RARB: variants seen among roughly 807,000 people sequenced by gnomAD.
The protein encoded by RARB is retinoic acid receptor beta.
A neutral mutation model predicts 51.9 loss-of-function variants in RARB; 17 were observed. The observed-to-expected ratio is 0.33, with a 90% CI of 0.22 to 0.49. The LOEUF (loss-of-function observed/expected upper bound fraction) is 0.49. Ranked by LOEUF, RARB falls within the 20% of genes least tolerant of loss-of-function variation. RARB has a pLI of 0.99. For synonymous variants in RARB, 215 were observed against 195.4 expected, an observed-to-expected ratio of 1.10 and a Z score of -0.84; for missense variants, 369 against 550.8, an observed-to-expected ratio of 0.67 and a Z score of 3.30.
At chr3:24,976,567 T>C (rs1004656656) in intron 2 of RARB, among the ~76,000 whole-genome samples, 8 of 152,246 alleles carry the variant, frequency 5.3e-5, no homozygotes, top group African/African-American at 1.9e-4. Context: ...ATATATGTCT[T>C]CTTTTGAGAA....
chr3:25,197,037 A>T (rs892953468), intron 5 of RARB, among the ~76,000 whole-genome samples: 2 of 151,994 alleles, frequency 1.3e-5, no homozygotes, highest in Non-Finnish European at 2.9e-5. Flanking sequence ...CTCTCATGGT[A>T]GTTTCTTTTG....
intron 5 of RARB, among the ~76,000 whole-genome samples, chr3:25,206,860 G>C (rs1036054118): frequency 1.5e-4 from 23 of 152,100 alleles, no homozygotes; most frequent in African/African-American, 5.1e-4. Context: ...ATGACTACCT[G>C]AGTGCTAGAA....
intron 2 of RARB, among the ~76,000 whole-genome samples, chr3:24,906,591 C>T (rs1263525458): frequency 6.6e-6 from 1 of 151,998 alleles, no homozygotes; most frequent in African/African-American, 2.4e-5. Context: ...GCCTGTAATC[C>T]CAGCACTTTG....
At chr3:25,428,174 C>T, upstream of RARB, 2 of 1,141,414 alleles carry the variant, frequency 1.8e-6, no homozygotes, top group South Asian at 4.6e-5. Context: ...TGATGTCAGA[C>T]TAGTTGGGTC....
intron 2 of RARB, among the ~76,000 whole-genome samples, chr3:24,879,848 G>A (rs542807675): frequency 6.6e-6 from 1 of 151,142 alleles, no homozygotes; most frequent in East Asian, 1.9e-4. Context: ...GATCTCAGAT[G>A]GGTTTTTAGT....
chr3:25,223,368 G>C (rs545637953), intron 5 of RARB, among the ~76,000 whole-genome samples: 34 of 152,280 alleles, frequency 2.2e-4, no homozygotes, highest in African/African-American at 7.7e-4. Context: ...TGAGGAAAAG[G>C]CTTAATGAAT....
chr3:25,484,357 C>G (rs1162418387), intron 2 of RARB, among the ~76,000 whole-genome samples: 1 of 152,056 alleles, frequency 6.6e-6, no homozygotes, highest in Non-Finnish European at 1.5e-5. Flanking sequence ...TCAATAGTTT[C>G]TGAGACCGTG....
At chr3:24,867,322 A>C (rs116268817) in intron 2 of RARB, among the ~76,000 whole-genome samples, 3,559 of 152,218 alleles carry the variant, frequency 0.023, 80 homozygotes, top group Middle Eastern at 0.051. Context: ...GGAATAAATA[A>C]GGGCAGTTTG....
intron 2 of RARB, among the ~76,000 whole-genome samples, chr3:25,005,673 A>AT (rs1697255834): frequency 6.6e-6 from 1 of 152,122 alleles, no homozygotes; most frequent in Non-Finnish European, 1.5e-5. Flanking sequence ...GATCAGCCCA[A>AT]TTTAGTGTGG....
chr3:24,926,547 TTATGC>T (rs1695325727), intron 2 of RARB, among the ~76,000 whole-genome samples: 2 of 152,152 alleles, frequency 1.3e-5, no homozygotes, highest in South Asian at 4.1e-4. Context: ...ACTTGATGAC[TTATGC>T]TATAGCTGTT....
rs140013220 is a variant in RARB, at chr3:25,281,106, T to G, written c.178+106531T>G. ...AATGAATCCTCACTACAGAATGCTC[T>G]TAAAGAGATTATAAATCCACTCTCT... On this transcript the variant is annotated intron_variant, in intron 5 of 11. Coordinates refer to the RARB transcript ENST00000383772. Among the ~76,000 whole-genome samples, 287 of 152,350 alleles carry G rather than the reference T, an allele frequency of 1.9e-3. 1 individual carries two copies. The highest frequency in any genetic ancestry group is 6.7e-3 in the African/African-American group (279 of 41,586).
intron 5 of RARB, among the ~76,000 whole-genome samples, chr3:25,206,278 A>C (rs1294472505): frequency 2.0e-5 from 3 of 152,206 alleles, no homozygotes; most frequent in Non-Finnish European, 2.9e-5. Flanking sequence ...TAGTGTTCTT[A>C]CATAAATTTG....
chr3:25,450,814 G>A (rs534227176), intron 1 of RARB, among the ~76,000 whole-genome samples: 3 of 152,094 alleles, frequency 2.0e-5, no homozygotes, highest in Non-Finnish European at 4.4e-5. Context: ...GGCCGGGTGC[G>A]GTGGCTCACG....
chr3:25,578,260 G>A (rs1483179563), intron 4 of RARB, among the ~76,000 whole-genome samples: 1 of 152,222 alleles, frequency 6.6e-6, no homozygotes, highest in Non-Finnish European at 1.5e-5. Context: ...CCAGCAGCCA[G>A]TATAATAAAA....
In RARB at chr3:25,301,849, G is replaced by A. The variant is rs548390633; in HGVS notation, c.178+127274G>A. ...CATAGATGCCAGACCATTGGTGTCA[G>A]CACTGGGGTCATAGTGCTAGAGACA... On this transcript the variant is annotated intron_variant, in intron 5 of 11. Coordinates refer to the RARB transcript ENST00000383772. Among the ~76,000 whole-genome samples the A allele has an allele frequency of 3.9e-5, 6 of 152,302 alleles. No homozygotes were observed. In the East Asian group the frequency reaches 1.2e-3, roughly 29 times the overall value.
At chr3:25,218,432 G>A (rs1420755633) in intron 5 of RARB, among the ~76,000 whole-genome samples, 1 of 151,902 alleles carries the variant, frequency 6.6e-6, no homozygotes, top group African/African-American at 2.4e-5. Context: ...CTTTTCACTT[G>A]TGAAAAGTGT....
intron 5 of RARB, among the ~76,000 whole-genome samples, chr3:25,271,914 T>C (rs1703266168): frequency 6.6e-6 from 1 of 152,238 alleles, no homozygotes. Flanking sequence ...CTTTGTCCTT[T>C]ACAAATTCTT....
chr3:25,284,268 T>C (rs1703596227), intron 5 of RARB, among the ~76,000 whole-genome samples: 1 of 151,976 alleles, frequency 6.6e-6, no homozygotes, highest in Non-Finnish European at 1.5e-5. Context: ...CTAAACCTAA[T>C]CAATACCTGA....
intron 1 of RARB, among the ~76,000 whole-genome samples, chr3:24,837,026 A>G (rs1052311685): frequency 2.6e-5 from 4 of 152,230 alleles, no homozygotes; most frequent in Non-Finnish European, 5.9e-5. Context: ...ATATATCACA[A>G]TAAATTAGAC....
Sources: allele counts gnomAD v4.1 joint callset (sites outside exome capture counted in the v4.1 genomes callset), GRCh38; gene constraint gnomAD v4.1.1; transcripts MANE v1.5; gene names NCBI Gene and HGNC (gene_info 2026-07-23, HGNC 2026-07-21).